Variants in MYH9 observed in about 807,000 individuals in gnomAD.
MYH9 encodes myosin heavy chain 9.
Under a neutral mutation model 241.9 loss-of-function variants are expected in MYH9, and 29 were observed. The ratio of observed to expected loss-of-function variants is 0.12; its 90% CI spans 0.09 to 0.16. MYH9 has a LOEUF of 0.16. Ranked by LOEUF, MYH9 falls within the 10% of genes least tolerant of loss-of-function variation. MYH9 has a pLI of 1.00. For synonymous variants in MYH9, 1,047 were observed against 1,062.6 expected, an observed-to-expected ratio of 0.99 and a Z score of 0.29; for missense variants, 1,803 against 2,595.5, an observed-to-expected ratio of 0.69 and a Z score of 6.63.
rs968968083 is a variant in MYH9 at position 36,353,106 on chromosome 22, T to A, written c.-19-3851A>T. Among the ~76,000 whole-genome samples, 153 of 71,454 alleles carry A rather than the reference T, an allele frequency of 2.1e-3. 1 individual carries two copies. The East Asian group carries it at 0.071, about 33-fold the overall frequency. 46.9% of individuals were successfully genotyped at this position (71,454 alleles called of 152,430 possible). On this transcript the variant is annotated intron_variant, in intron 1 of 40. Coordinates refer to ENST00000216181, the MANE Select transcript of MYH9 (RefSeq NM_002473.6). ...CGTATCCTGTGCCTCTGGGGGCGTG[T>A]GTGTGTGTGTGTGTGTGTGTGTGTG...
Position 36,293,711 on chromosome 22 carries a change from G to A in MYH9, c.3942+48C>T, listed in dbSNP as rs2016742410. The A allele has an allele frequency of 4.6e-6, 7 of 1,524,470 alleles. No homozygotes were observed. Among genetic ancestry groups the A allele is most frequent in the Non-Finnish European group, 6.3e-6 (7 of 1,103,242 alleles). The allele number at this position is 1,524,470 out of a possible 1,614,324, so 94.4% of individuals were successfully genotyped here. A position where few individuals can be genotyped will look rare whatever the true frequency, so the allele number is the denominator to read the frequency against. On this transcript the variant is annotated intron_variant, in intron 29 of 40. Transcript: ENST00000216181. This position sits in a 1 kb window ranked among gnomAD's most constrained non-coding sequence, Gnocchi z 5.1. The stretch of plus-strand genomic sequence containing the variant: ...GAAGCTAATGTTGCGTGGACACAGA[G>A]GCCTTTCTGGAGGGGTCCACCTTCT...
At chr22:36,359,003 T>A (rs748313967) in intron 1 of MYH9, among the ~76,000 whole-genome samples, 11 of 152,120 alleles carry the variant, frequency 7.2e-5, no homozygotes, top group Non-Finnish European at 1.6e-4. Flanking sequence ...CACACTACAC[T>A]CTGCTCAGGC....
Position 36,296,827 on chromosome 22 carries a change from C to A in MYH9, c.3272+16G>T. The A allele has an allele frequency of 6.3e-7, 1 of 1,595,572 alleles. No homozygotes were observed. The highest frequency in any genetic ancestry group is 1.1e-5 in the South Asian group (1 of 90,322). ...CCCAGGCCACCTGGCCTCAGGCGGGCAGGCGGGGTCCTCACCTGGCCAGGG... is the reference window on the plus strand; with the variant it reads ...CCCAGGCCACCTGGCCTCAGGCGGGAAGGCGGGGTCCTCACCTGGCCAGGG... On this transcript the variant is annotated intron_variant, in intron 25 of 40. Coordinates refer to ENST00000216181, the MANE Select transcript of MYH9 (RefSeq NM_002473.6).
chr22:36,316,396 T>G (rs187265230), intron 12 of MYH9, 121 bp downstream of exon 12: 2 of 1,450,220 alleles, frequency 1.4e-6, no homozygotes, highest in Non-Finnish European at 1.9e-6. Context: ...AAAGTCTTCA[T>G]GCAAAGGAGA....
chr22:36,378,000 C>T (rs528089176), intron 1 of MYH9, among the ~76,000 whole-genome samples: 24 of 149,108 alleles, frequency 1.6e-4, no homozygotes, highest in Admixed American at 1.2e-3. Flanking sequence ...AGAAGCTGGA[C>T]GAGGTGGCTC....
chr22:36,344,398 G>C (rs946994987), intron 2 of MYH9, among the ~76,000 whole-genome samples: 3 of 152,234 alleles, frequency 2.0e-5, no homozygotes, highest in Non-Finnish European at 4.4e-5. Flanking sequence ...AGGCTCCTGA[G>C]GTCATGATTT....
intron 1 of MYH9, among the ~76,000 whole-genome samples, chr22:36,372,921 C>T (rs952830916): frequency 1.3e-5 from 2 of 151,944 alleles, no homozygotes; most frequent in African/African-American, 2.4e-5. Context: ...GAGGCAGCCA[C>T]AACACCTGGC....
At chr22:36,387,170 C>T (rs1218779815) in intron 1 of MYH9, among the ~76,000 whole-genome samples, 1 of 152,166 alleles carries the variant, frequency 6.6e-6, no homozygotes, top group Non-Finnish European at 1.5e-5. Context: ...GCACCTCCCC[C>T]GGGCCCTCCC....
At chr22:36,309,148 G>A (rs1447438853) in intron 15 of MYH9, 134 bp downstream of exon 15, 2 of 802,404 alleles carry the variant, frequency 2.5e-6, no homozygotes, top group Non-Finnish European at 4.3e-6. Context: ...GGGAGCTACA[G>A]AGGGCAGAGA....
intron 5 of MYH9, among the ~76,000 whole-genome samples, chr22:36,325,474 C>T (rs1377721546): frequency 6.6e-6 from 1 of 152,242 alleles, no homozygotes; most frequent in Non-Finnish European, 1.5e-5. Flanking sequence ...TGGCACTTAG[C>T]TTTCACAGGG....
At chr22:36,327,424 G>A (rs1285395962) in intron 4 of MYH9, 37 bp downstream of exon 4, 1 of 1,613,230 alleles carries the variant, frequency 6.2e-7, no homozygotes, top group African/African-American at 1.3e-5. Context: ...ACAGACTGGG[G>A]TGAAACGAAC....
chr22:36,341,296 T>C, intron 3 of MYH9, 74 bp downstream of exon 3: 3 of 1,582,092 alleles, frequency 1.9e-6, no homozygotes, highest in South Asian at 1.1e-5. Flanking sequence ...AAATGTGACT[T>C]AGCACCTGCA....
intron 3 of MYH9, chr22:36,328,780 G>A (rs1014455235): frequency 2.0e-5 from 3 of 152,254 alleles, no homozygotes; most frequent in Non-Finnish European, 4.4e-5. Flanking sequence ...CGGATTCAGC[G>A]ACGTGTGAAG....
At chr22:36,343,548 TA>T (rs5845270) in intron 2 of MYH9, among the ~76,000 whole-genome samples, 284 of 124,984 alleles carry the variant, frequency 2.3e-3, no homozygotes, top group Middle Eastern at 4.3e-3. Flanking sequence ...ACCCTGCTCT[TA>T]AAAAAAAAAA....
intron 1 of MYH9, among the ~76,000 whole-genome samples, chr22:36,357,775 G>T (rs1300318523): frequency 6.6e-6 from 1 of 152,170 alleles, no homozygotes; most frequent in African/African-American, 2.4e-5. Flanking sequence ...GGATGGCATT[G>T]TCACCAAGGA....
intron 23 of MYH9, among the ~76,000 whole-genome samples, chr22:36,299,545 T>A (rs1300106988): frequency 6.6e-6 from 1 of 152,156 alleles, no homozygotes; most frequent in African/African-American, 2.4e-5. Context: ...CACAAGCACC[T>A]GAGTCCCCTC....
chr22:36,282,643 C>T lies in MYH9; in HGVS notation c.*25G>A, dbSNP rs757060328. 6.2e-7 allele frequency: 1 copy of T among 1,603,204 alleles called. No individual in the cohort carries two copies. The highest frequency in any genetic ancestry group is 1.1e-5 in the South Asian group (1 of 90,908). ...AGGCTGTGGTGTCTGTCTGTCCATC[C>T]ATCTCAGGCTGCAGGAGAAGAGGCT... On this transcript the variant is annotated 3_prime_UTR_variant, in exon 41 of 41. Transcript: ENST00000216181.
At position 36,293,944 on chromosome 22, in the gene MYH9, T is replaced by C; in HGVS notation, c.3838-81A>G. The C allele has an allele frequency of 2.0e-6, 3 of 1,474,402 alleles. No individual in the cohort carries two copies. Among genetic ancestry groups the C allele is most frequent in the Non-Finnish European group, 2.8e-6 (3 of 1,072,556 alleles). 91.3% of individuals were successfully genotyped at this position (1,474,402 alleles called of 1,614,324 possible). A position where few individuals can be genotyped will look rare whatever the true frequency, so the allele number is the denominator to read the frequency against. On this transcript the variant is annotated intron_variant, in intron 28 of 40. Transcript: ENST00000216181. The surrounding 1 kb of genome is among the most constrained non-coding windows in gnomAD (Gnocchi z 5.1). ...CCACCTCATCTCCTTTAGGTAAAGCTGGACCTGAGTCACAAGCTGAACCAT... is the reference window on the plus strand; with the variant it reads ...CCACCTCATCTCCTTTAGGTAAAGCCGGACCTGAGTCACAAGCTGAACCAT...
At chr22:36,349,593 G>A (rs1181931493) in intron 1 of MYH9, among the ~76,000 whole-genome samples, 1 of 152,136 alleles carries the variant, frequency 6.6e-6, no homozygotes, top group Non-Finnish European at 1.5e-5. Flanking sequence ...AACCAGGCGT[G>A]GTGGTGCACA....
Sources: allele counts gnomAD v4.1 joint callset (sites outside exome capture counted in the v4.1 genomes callset), GRCh38; gene constraint gnomAD v4.1.1; non-coding constraint Gnocchi (gnomAD v3.1); transcripts MANE v1.5; gene names NCBI Gene and HGNC (gene_info 2026-07-23, HGNC 2026-07-21).